ATP8A2: variants seen among roughly 807,000 people sequenced by gnomAD.
ATP8A2 encodes ATPase phospholipid transporting 8A2, also known as phospholipid-transporting ATPase IB.
In ATP8A2, 100 loss-of-function variants were observed where a neutral mutation model predicts 165.6. The ratio of observed to expected loss-of-function variants is 0.60; its 90% confidence interval spans 0.51 to 0.71. ATP8A2 has a LOEUF of 0.71. Ranked by LOEUF, ATP8A2 falls within the 30% of genes least tolerant of loss-of-function variation. ATP8A2 has a pLI of 0.00. For missense variants in ATP8A2, 1,227 were observed against 1,479.5 expected, an observed-to-expected ratio of 0.83 and a Z score of 2.80; for synonymous variants, 543 against 548.8, an observed-to-expected ratio of 0.99 and a Z score of 0.15.
Position 25,839,639 on chromosome 13 carries a change from A to C in ATP8A2, c.2956+15A>C. 6.2e-7 allele frequency: 1 copy of C among 1,608,806 alleles called. No individual in the cohort carries two copies. Reference sequence around the variant, plus strand: ...TCTGGAGCATGGTAAGGGCTGTGTGATTTCACCTGTCAGCAAGGAGCTTTG... The same window carrying C: ...TCTGGAGCATGGTAAGGGCTGTGTGCTTTCACCTGTCAGCAAGGAGCTTTG... On this transcript the variant is annotated intron_variant, in intron 30 of 36. Transcript: ENST00000381655.
chr13:25,589,679 T>C lies in ATP8A2; in HGVS notation c.2191T>C (p.Leu731=), dbSNP rs1333189163. 2 of 1,610,660 alleles carry C rather than the reference T, an allele frequency of 1.2e-6. No individual in the cohort carries two copies. The highest frequency in any genetic ancestry group is 2.2e-5 in the South Asian group (2 of 90,828). ...LVSQNMALIL[L]KEDSLDATRA... ...ATCGCAGAATATGGCCCTTATCCTA[T>C]TGAAGGAGGACTCTTTGGATGTAAG... is the stretch of plus-strand genomic sequence containing the variant. Residue 731 remains leucine (L), a synonymous_variant, in exon 24 of 37, where the codon TTG becomes CTG. Transcript: ENST00000381655.
At chr13:25,445,950 A>G (rs1318568391) in intron 1 of ATP8A2, among the ~76,000 whole-genome samples, 1 of 152,208 alleles carries the variant, frequency 6.6e-6, no homozygotes, top group Non-Finnish European at 1.5e-5. Context: ...CGGTTGGTCA[A>G]CTAATCAGAT....
intron 1 of ATP8A2, among the ~76,000 whole-genome samples, chr13:25,437,554 A>C (rs1262227404): frequency 6.6e-6 from 1 of 152,226 alleles, no homozygotes; most frequent in Non-Finnish European, 1.5e-5. Context: ...AAGTTGTGTT[A>C]GGTTCAGGAA....
intron 34 of ATP8A2, among the ~76,000 whole-genome samples, chr13:25,967,664 TC>T (rs1439240634): frequency 6.6e-6 from 1 of 152,232 alleles, no homozygotes; most frequent in African/African-American, 2.4e-5. Flanking sequence ...TTGAGCCTTT[TC>T]CCTTTGCAGT....
At chr13:25,708,430 A>G (rs778946719) in intron 25 of ATP8A2, among the ~76,000 whole-genome samples, 1 of 152,224 alleles carries the variant, frequency 6.6e-6, no homozygotes, top group Non-Finnish European at 1.5e-5. Context: ...TTTCTGATTG[A>G]AAGTATGCAA....
chr13:25,870,300 TA>T lies in ATP8A2; in HGVS notation c.3183+7893del, dbSNP rs141877350. On this transcript the variant is annotated intron_variant, in intron 33 of 36. Coordinates refer to ENST00000381655, the MANE Select transcript of ATP8A2 (RefSeq NM_016529.6). ...TCTCGATTTTTGTATAGGCACAGGA[TA>T]GGGGCGTGGCAGGTCAGGGTGGTTT... 5.5e-3 allele frequency among the ~76,000 whole-genome samples: 834 copies of T among 152,232 alleles called. 7 individuals carry two copies. The highest frequency in any genetic ancestry group is 0.019 in the African/African-American group (797 of 41,534).
intron 24 of ATP8A2, among the ~76,000 whole-genome samples, chr13:25,654,596 T>C (rs1442762120): frequency 6.6e-6 from 1 of 152,178 alleles, no homozygotes; most frequent in Non-Finnish European, 1.5e-5. Context: ...ACATAAAATA[T>C]GGGAGTTTCA....
chr13:25,749,120 C>G lies in ATP8A2; in HGVS notation c.2385-19926C>G, dbSNP rs970772121. 1.8e-3 allele frequency among the ~76,000 whole-genome samples: 269 copies of G among 152,116 alleles called. 1 individual carries two copies. The highest frequency in any genetic ancestry group is 6.2e-3 in the African/African-American group (256 of 41,424). On this transcript the variant is annotated intron_variant, in intron 25 of 36. Transcript: ENST00000381655. ...ATCCTTAGGTTGTTTTTCTGTCTTC[C>G]GTGAAATAAAAGTTGACACTTTCTA...
chr13:25,666,955 C>G (rs2042166987), intron 24 of ATP8A2, among the ~76,000 whole-genome samples: 1 of 152,064 alleles, frequency 6.6e-6, no homozygotes. Context: ...AATTAGAAGT[C>G]ATTACTTTTT....
chr13:25,384,289 A>C (rs1386958254), intron 1 of ATP8A2, among the ~76,000 whole-genome samples: 2 of 152,148 alleles, frequency 1.3e-5, no homozygotes, highest in Non-Finnish European at 2.9e-5. Context: ...ACGATGGTTT[A>C]AGTATTCCTT....
At chr13:25,800,737 A>G (rs1950605671) in intron 27 of ATP8A2, among the ~76,000 whole-genome samples, 1 of 151,046 alleles carries the variant, frequency 6.6e-6, no homozygotes, top group Non-Finnish European at 1.5e-5. Context: ...GCCCTGCTGC[A>G]GCCTGCCTCC....
In ATP8A2 at chr13:25,968,659, G is replaced by T. The variant is rs1451936055; in HGVS notation, c.3357G>T (p.Leu1119=). 1.9e-6 allele frequency: 3 copies of T among 1,613,554 alleles called. No individual in the cohort carries two copies. In the East Asian group the frequency reaches 6.7e-5, roughly 36 times the overall value. ...TKSRVLGKAV[L]RDSNGKRLNE... ...CTCGAGTCCTGGGAAAAGCGGTGCT[G>T]CGGGATAGCAATGGAAAGAGGTGGG... is the stretch of plus-strand genomic sequence containing the variant. Residue 1119 remains leucine (L), a synonymous_variant, in exon 35 of 37, where the codon CTG becomes CTT. Coordinates refer to ENST00000381655, the MANE Select transcript of ATP8A2 (RefSeq NM_016529.6).
chr13:25,659,043 G>A (rs2041994744), intron 24 of ATP8A2, among the ~76,000 whole-genome samples: 1 of 152,150 alleles, frequency 6.6e-6, no homozygotes, highest in African/African-American at 2.4e-5. Context: ...GGAAAGGAAG[G>A]TTGATGGTAA....
chr13:25,795,951 C>CTT (rs368511368), intron 27 of ATP8A2, among the ~76,000 whole-genome samples: 3 of 144,678 alleles, frequency 2.1e-5, no homozygotes, highest in African/African-American at 7.6e-5. Context: ...ACTAACATAT[C>CTT]TTTTTTTTTT....
intron 2 of ATP8A2, among the ~76,000 whole-genome samples, chr13:25,490,222 A>T (rs1748583): frequency 0.47 from 71,825 of 152,172 alleles, 17,833 homozygotes; most frequent in East Asian, 0.89. Context: ...CTTAAAGAAG[A>T]GTTACGGGAG....
chr13:25,879,493 G>T (rs1244913011), intron 33 of ATP8A2, among the ~76,000 whole-genome samples: 1 of 152,246 alleles, frequency 6.6e-6, no homozygotes, highest in Non-Finnish European at 1.5e-5. Context: ...GAACCAGGCT[G>T]AGAAAGCTGG....
chr13:26,019,133 C>G (rs1013280112), intron 36 of ATP8A2, among the ~76,000 whole-genome samples: 5 of 152,128 alleles, frequency 3.3e-5, no homozygotes, highest in Admixed American at 6.5e-5. Context: ...GTGGCTCAGG[C>G]CTGTAATCCC....
At position 25,843,314 on chromosome 13, in the gene ATP8A2, G is replaced by A. The variant is rs116504992; in HGVS notation, c.2956+3690G>A. ...TCTGTCAGCCTCTGGTGAGAGGCTC[G>A]GGACACTGGGCATTCCTGCCCCAGA... On this transcript the variant is annotated intron_variant, in intron 30 of 36. Coordinates refer to ENST00000381655, the MANE Select transcript of ATP8A2 (RefSeq NM_016529.6). 5.9e-3 allele frequency among the ~76,000 whole-genome samples: 904 copies of A among 152,222 alleles called. 7 individuals are homozygous for A. Among genetic ancestry groups the A allele is most frequent in the African/African-American group, 0.02 (823 of 41,528 alleles).
At chr13:25,430,672 G>T (rs919181140) in intron 1 of ATP8A2, among the ~76,000 whole-genome samples, 1 of 151,904 alleles carries the variant, frequency 6.6e-6, no homozygotes, top group Non-Finnish European at 1.5e-5. Flanking sequence ...ATCTCGGCTC[G>T]CTGTAGCCTC....
Sources: gnomAD v4.1 joint callset for allele counts (sites outside exome capture counted in the v4.1 genomes callset) on GRCh38, gnomAD v4.1.1 for gene constraint, MANE v1.5 for transcripts, NCBI Gene and HGNC (gene_info 2026-07-23, HGNC 2026-07-21) for gene names.